The following EDEM1 variants were observed in gnomAD, a reference collection of about 807,000 sequenced individuals.
EDEM1 encodes the protein ER degradation enhancing alpha-mannosidase like protein 1.
In EDEM1, 67 loss-of-function variants were observed where a neutral mutation model predicts 74.4. That is an observed-to-expected ratio of 0.90 (90% confidence interval 0.74 to 1.10). The LOEUF (loss-of-function observed/expected upper bound fraction) is 1.10. EDEM1 is among the 50% of genes least tolerant of loss of function. The probability of loss-of-function intolerance (pLI) is 0.00; values close to 1 mark genes in which losing one functional copy is unlikely to be tolerated. For missense variants in EDEM1, 926 were observed against 851.6 expected (o/e 1.09, Z -1.09); for synonymous variants, 382 against 335.9 (o/e 1.14, Z -1.50).
chr3:5,211,540 G>C (rs1337664168), intron 10 of EDEM1: 2 of 311,998 alleles, frequency 6.4e-6, no homozygotes, highest in Non-Finnish European at 1.3e-5. Flanking sequence ...CTGAGGAAGA[G>C]AGCTGTGTTC....
rs117396008 is a variant in EDEM1, at chr3:5,210,000, C to T, written c.1510-175C>T. 2.7e-4 allele frequency among the ~76,000 whole-genome samples: 41 copies of T among 152,336 alleles called. 2 individuals are homozygous for T. In the East Asian group the frequency reaches 7.3e-3, roughly 27 times the overall value. ...ACAGGTACTCTTTGATGTGAACTGA[C>T]GGAGTACCTTAGTCCTCTAACCATT... is the stretch of plus-strand genomic sequence containing the variant. On this transcript the variant is annotated intron_variant, in intron 8 of 11. Transcript: ENST00000256497.
At position 5,218,532 on chromosome 3, in the gene EDEM1, A is replaced by C. The variant is rs1173503547; in HGVS notation, c.*2614A>C. 1.3e-5 allele frequency: 2 copies of C among 152,028 alleles called. No homozygotes were observed. Among genetic ancestry groups the C allele is most frequent in the East Asian group, 3.9e-4 (2 of 5,184 alleles). The allele number at this position is 152,028 out of a possible 1,614,324, so 9.4% of individuals were successfully genotyped here. A position where few individuals can be genotyped will look rare whatever the true frequency, so the allele number is the denominator to read the frequency against. On this transcript the variant is annotated 3_prime_UTR_variant, in exon 12 of 12. Transcript: ENST00000256497. ...CCAGGATTGCCTCAAATCTGAGTGGACTTCATCCTTTGCGGCGGCTCTGAG... is the reference window on the plus strand; with the variant it reads ...CCAGGATTGCCTCAAATCTGAGTGGCCTTCATCCTTTGCGGCGGCTCTGAG...
chr3:5,217,377 C>T lies in EDEM1; in HGVS notation c.*1459C>T, dbSNP rs1163562651. The T allele has an allele frequency of 6.5e-6, 1 of 152,682 alleles. No homozygotes were observed. Among genetic ancestry groups the T allele is most frequent in the East Asian group, 1.9e-4 (1 of 5,198 alleles). 9.5% of individuals were successfully genotyped at this position (152,682 alleles called of 1,614,324 possible). On this transcript the variant is annotated 3_prime_UTR_variant, in exon 12 of 12. Coordinates refer to ENST00000256497, the MANE Select transcript of EDEM1 (RefSeq NM_014674.3). ...TAAAAAAGGTAGGAAATCCCTAAAA[C>T]TTCCAGCCTCACATAGCACGGTTCT...
In EDEM1 at chr3:5,195,141, G is replaced by A. The variant is rs576360767; in HGVS notation, c.510-68G>A. The A allele has an allele frequency of 1.0e-3, 898 of 856,912 alleles. 3 individuals are homozygous for A. The highest frequency in any genetic ancestry group is 1.2e-3 in the Non-Finnish European group (721 of 586,600). 53.1% of individuals were successfully genotyped at this position (856,912 alleles called of 1,614,324 possible). On this transcript the variant is annotated intron_variant, in intron 1 of 11. Transcript: ENST00000256497. ...TGCTGGCAATTATAGTTTCTGATGG[G>A]TGTTTACTTTTATTGTCTTCTCTTT...
intron 11 of EDEM1, among the ~76,000 whole-genome samples, chr3:5,214,644 G>T (rs1338351849): frequency 1.3e-5 from 2 of 152,234 alleles, no homozygotes. Flanking sequence ...CAACAGCCCT[G>T]TGAGGGGTGG....
intron 11 of EDEM1, among the ~76,000 whole-genome samples, chr3:5,214,022 GAA>G (rs1248098141): frequency 6.6e-6 from 1 of 152,120 alleles, no homozygotes; most frequent in Non-Finnish European, 1.5e-5. Context: ...CAGCAGAAGG[GAA>G]AAAAAGCAGT....
chr3:5,198,639 T>G (rs13076610), intron 2 of EDEM1, among the ~76,000 whole-genome samples: 1 of 150,114 alleles, frequency 6.7e-6, no homozygotes, highest in Non-Finnish European at 1.5e-5. Context: ...TCCTTGTAGG[T>G]AAATTGTAAG....
In EDEM1 at chr3:5,188,191, A is replaced by G. The variant is rs774992916; in HGVS notation, c.386A>G (p.Gln129Arg). ...SGAFPPQLRAQMRDLARGMFV... is the reference protein window; with the variant it reads ...SGAFPPQLRARMRDLARGMFV... The stretch of plus-strand genomic sequence containing the variant: ...GCCTTCCCTCCGCAGCTGCGTGCCC[A>G]GATGCGCGACCTGGCACGGGGCATG... Residue 129 changes from glutamine to arginine, a missense_variant, in exon 1 of 12, where the codon CAG becomes CGG. Coordinates refer to ENST00000256497, the MANE Select transcript of EDEM1 (RefSeq NM_014674.3). The G allele has an allele frequency of 4.4e-6, 7 of 1,575,098 alleles. No homozygotes were observed. Among genetic ancestry groups the G allele is most frequent in the African/African-American group, 1.4e-5 (1 of 72,220 alleles).
At chr3:5,210,693 GC>G (rs1017101573) in intron 9 of EDEM1, among the ~76,000 whole-genome samples, 2 of 150,950 alleles carry the variant, frequency 1.3e-5, no homozygotes, top group Non-Finnish European at 2.9e-5. Context: ...TTTGTGACAT[GC>G]TTTTTTTTAC....
intron 3 of EDEM1, among the ~76,000 whole-genome samples, chr3:5,201,481 A>G (rs113137348): frequency 0.013 from 1,920 of 152,278 alleles, 41 homozygotes; most frequent in African/African-American, 0.043. Flanking sequence ...TAAGATTTAG[A>G]TTACCAAAAT....
chr3:5,197,521 C>T (rs1386951039), intron 2 of EDEM1, among the ~76,000 whole-genome samples: 3 of 152,192 alleles, frequency 2.0e-5, no homozygotes, highest in African/African-American at 7.2e-5. Flanking sequence ...ACCTTCCTCA[C>T]TTGATTTGAG....
At chr3:5,212,006 G>C (rs974350528) in intron 10 of EDEM1, among the ~76,000 whole-genome samples, 3 of 152,218 alleles carry the variant, frequency 2.0e-5, no homozygotes, top group Admixed American at 1.3e-4. Context: ...CTTGGGCAGA[G>C]GGTCAGAGAT....
intron 6 of EDEM1, among the ~76,000 whole-genome samples, chr3:5,205,878 G>T (rs1282367561): frequency 6.6e-6 from 1 of 151,954 alleles, no homozygotes; most frequent in Non-Finnish European, 1.5e-5. Context: ...GTGCAAGCGT[G>T]TGGCTCGCAC....
chr3:5,193,898 TA>T (rs2054931983), intron 1 of EDEM1, among the ~76,000 whole-genome samples: 1 of 152,208 alleles, frequency 6.6e-6, no homozygotes, highest in Admixed American at 6.5e-5. Context: ...GCACCCAGCC[TA>T]AAATTTTACT....
intron 1 of EDEM1, among the ~76,000 whole-genome samples, chr3:5,188,712 T>A (rs573317532): frequency 3.9e-5 from 6 of 152,200 alleles, no homozygotes; most frequent in African/African-American, 4.8e-5. Flanking sequence ...ATGCCCCCCG[T>A]GTAAACGCAG....
rs1295450158 is a variant in EDEM1, at chr3:5,217,649, AAAAAT to A, written c.*1737_*1741del. 2.6e-5 allele frequency: 4 copies of A among 152,642 alleles called. No homozygotes were observed. The highest frequency in any genetic ancestry group is 2.1e-4 in the South Asian group (1 of 4,826). The allele number at this position is 152,642 out of a possible 1,614,324, so 9.5% of individuals were successfully genotyped here. On this transcript the variant is annotated 3_prime_UTR_variant, in exon 12 of 12. Transcript: ENST00000256497. Reference sequence around the variant, plus strand: ...ATTACAACAATTGTTTTAAAATAGAAAAAATAAAATGCTTCTATTTTACCTTTTTT... The same window carrying A: ...ATTACAACAATTGTTTTAAAATAGAAAAAATGCTTCTATTTTACCTTTTTT...
At chr3:5,199,009 A>G (rs915762683) in intron 2 of EDEM1, among the ~76,000 whole-genome samples, 2 of 152,172 alleles carry the variant, frequency 1.3e-5, no homozygotes, top group African/African-American at 4.8e-5. Flanking sequence ...AAGGACATAG[A>G]GCTGATTATT....
intron 1 of EDEM1, among the ~76,000 whole-genome samples, chr3:5,188,904 G>A (rs1207346110): frequency 6.6e-6 from 1 of 152,196 alleles, no homozygotes; most frequent in East Asian, 1.9e-4. Context: ...TAGGTGGTGG[G>A]GAGGGAAGCT....
In EDEM1 at chr3:5,207,249, G is replaced by A. The variant is rs2055109709; in HGVS notation, c.1314G>A (p.Leu438=). Residue 438 remains leucine (L), a synonymous_variant, in exon 7 of 12, where the codon CTG becomes CTA. Transcript: ENST00000256497. ...TGATGAACACCTGGATTGACTCTCT[G>A]CAGGCCTTTTTCCCTGGACTGCAGG... is the stretch of plus-strand genomic sequence containing the variant. ...GQLMNTWIDS[L]QAFFPGLQVL... 6.2e-7 allele frequency: 1 copy of A among 1,614,146 alleles called. No homozygotes were observed.
Sources: allele counts gnomAD v4.1 joint callset (sites outside exome capture counted in the v4.1 genomes callset), GRCh38; gene constraint gnomAD v4.1.1; transcripts MANE v1.5; gene names NCBI Gene and HGNC (gene_info 2026-07-23, HGNC 2026-07-21).